Variants in NME9 observed in about 807,000 individuals in gnomAD.
NME9 encodes NME/NM23 family member 9.
In NME9, 48 loss-of-function variants were observed where a neutral mutation model predicts 44.4. The observed-to-expected ratio is 1.08, with a 90% CI of 0.86 to 1.37. NME9 has a LOEUF of 1.37. Among genes scored for constraint, NME9 ranks in the 40% most tolerant of loss-of-function variants. NME9 has a pLI of 0.00. For missense variants in NME9, 325 were observed against 405.2 expected, an observed-to-expected ratio of 0.80 and a Z score of 1.70; for synonymous variants, 139 against 147.1, an observed-to-expected ratio of 0.94 and a Z score of 0.40.
intron 8 of NME9, among the ~76,000 whole-genome samples, chr3:138,277,442 T>C (rs1366905676): frequency 6.6e-6 from 1 of 152,236 alleles, no homozygotes; most frequent in Non-Finnish European, 1.5e-5. Context: ...TGAAATGCAC[T>C]GTTAAGAGAC....
intron 8 of NME9, among the ~76,000 whole-genome samples, chr3:138,267,848 A>G (rs1435472483): frequency 1.3e-5 from 2 of 152,186 alleles, no homozygotes; most frequent in African/African-American, 2.4e-5. Flanking sequence ...TTATGAACTC[A>G]GGTTTATTGT....
chr3:138,320,084 C>A (rs1471820809), intron 2 of NME9, among the ~76,000 whole-genome samples: 1 of 152,162 alleles, frequency 6.6e-6, no homozygotes, highest in East Asian at 1.9e-4. Context: ...TTAGAAAAAT[C>A]AACATTTTTC....
At chr3:138,298,000 CAG>C (rs2051633673), downstream of NME9, 1 of 152,210 alleles carries the variant, frequency 6.6e-6, no homozygotes, top group Admixed American at 6.5e-5. Context: ...TGGGTATAAA[CAG>C]ATGGTCAAAT....
chr3:138,291,453 C>T (rs1241425865), intron 8 of NME9, among the ~76,000 whole-genome samples: 1 of 152,202 alleles, frequency 6.6e-6, no homozygotes, highest in Non-Finnish European at 1.5e-5. Context: ...TCAGATATCT[C>T]TTTTGAATAC....
intron 8 of NME9, among the ~76,000 whole-genome samples, chr3:138,286,047 G>A (rs911406930): frequency 9.9e-5 from 15 of 152,108 alleles, no homozygotes; most frequent in African/African-American, 3.6e-4. Context: ...AGGTTCAAGC[G>A]ATTCTCCTGC....
At chr3:138,300,432 A>G (rs2051779518), downstream of NME9, among the ~76,000 whole-genome samples, 1 of 152,236 alleles carries the variant, frequency 6.6e-6, no homozygotes, top group African/African-American at 2.4e-5. Context: ...GCAAGGAGGA[A>G]GACGCTGGCA....
intron 8 of NME9, among the ~76,000 whole-genome samples, chr3:138,265,848 A>T (rs1220434522): frequency 1.3e-5 from 2 of 152,164 alleles, no homozygotes; most frequent in African/African-American, 4.8e-5. Flanking sequence ...AGGTTCATCT[A>T]GTGACAGAGT....
Position 138,301,546 on chromosome 3 carries a change from G to C in NME9, c.*94C>G. 2 of 1,507,688 alleles carry C rather than the reference G, an allele frequency of 1.3e-6. No homozygotes were observed. The highest frequency in any genetic ancestry group is 4.3e-5 in the Admixed American group (2 of 46,356). 93.4% of individuals were successfully genotyped at this position (1,507,688 alleles called of 1,614,324 possible). ...CTACAAAAGACAGCTAAACCAAAAAGTATTGGTACTCAAAAGAGTAAGTTC... is the reference window on the plus strand; with the variant it reads ...CTACAAAAGACAGCTAAACCAAAAACTATTGGTACTCAAAAGAGTAAGTTC... On this transcript the variant is annotated 3_prime_UTR_variant, in exon 11 of 11. Transcript: ENST00000333911.
intron 9 of NME9, 46 bp downstream of exon 9, chr3:138,304,827 A>T (rs1181842056): frequency 3.8e-6 from 6 of 1,586,812 alleles, no homozygotes; most frequent in Non-Finnish European, 3.4e-6. Context: ...GCCTCCTGGG[A>T]TGCAGGTTTT....
intron 2 of NME9, chr3:138,324,200 A>G (rs2053635966): frequency 3.3e-6 from 1 of 307,394 alleles, no homozygotes; most frequent in South Asian, 3.1e-5. Flanking sequence ...TGAGCTTGGA[A>G]GTGGATCTTC....
chr3:138,309,310 A>AC (rs1194915840), intron 6 of NME9, among the ~76,000 whole-genome samples: 1 of 151,716 alleles, frequency 6.6e-6, no homozygotes, highest in Non-Finnish European at 1.5e-5. Flanking sequence ...AACAAAAAAA[A>AC]AAAAAGAAGG....
At position 138,304,932 on chromosome 3, in the gene NME9, G is replaced by A; in HGVS notation, c.732C>T (p.Thr244=). The A allele has an allele frequency of 6.2e-7, 1 of 1,614,190 alleles. No homozygotes were observed. ...RTEGFEDVVT[T]WRTVMGPRDP... is the part of the protein sequence containing the mutation. ...CACGGGGGCCCATGACGGTTCGCCA[G>A]GTAGTGACCACGTCCTCGAAGCCCT... is the stretch of plus-strand genomic sequence containing the variant. The change falls in exon 9 of 11, where the codon ACC becomes ACT. Residue 244 remains threonine, a synonymous_variant. Transcript: ENST00000333911.
downstream of NME9, chr3:138,300,927 C>G (rs1308613385): frequency 2.2e-5 from 7 of 322,748 alleles, no homozygotes; most frequent in Admixed American, 3.9e-4. Flanking sequence ...CATCAGTGTG[C>G]CTGGAAGTGT....
At chr3:138,309,395 C>T (rs777753678) in intron 6 of NME9, among the ~76,000 whole-genome samples, 1 of 152,090 alleles carries the variant, frequency 6.6e-6, no homozygotes, top group Non-Finnish European at 1.5e-5. Flanking sequence ...GGTATAAAAC[C>T]CACTGTTGGC....
intron 9 of NME9, among the ~76,000 whole-genome samples, chr3:138,304,069 T>G (rs991341119): frequency 1.3e-5 from 2 of 152,214 alleles, no homozygotes; most frequent in Non-Finnish European, 2.9e-5. Context: ...TGATTTCCTG[T>G]GTGTCAAGCA....
At chr3:138,329,259 CG>C (rs1577231496) in intron 1 of NME9, 43 bp downstream of exon 1, 3 of 1,510,508 alleles carry the variant, frequency 2.0e-6, no homozygotes, top group South Asian at 1.2e-5. Context: ...TCCTCTTCCC[CG>C]AGCCCAACCC....
chr3:138,289,437 G>A (rs1432404105), intron 8 of NME9, among the ~76,000 whole-genome samples: 1 of 152,190 alleles, frequency 6.6e-6, no homozygotes, highest in Non-Finnish European at 1.5e-5. Context: ...TGAGAGGAGA[G>A]AGTGGGTGGG....
At chr3:138,267,189 T>C in intron 8 of NME9, 5 of 1,581,800 alleles carry the variant, frequency 3.2e-6, no homozygotes, top group Admixed American at 1.8e-5. Context: ...ATCCTAGTGG[T>C]AGCATCTTCC....
downstream of NME9, chr3:138,296,551 GAA>G (rs201583111): frequency 6.7e-6 from 1 of 149,706 alleles, no homozygotes. Context: ...TAAAAAAAAA[GAA>G]AAAAAAAGAA....
Sources: gnomAD v4.1 joint callset for allele counts (sites outside exome capture counted in the v4.1 genomes callset) on GRCh38, gnomAD v4.1.1 for gene constraint, MANE v1.5 for transcripts, NCBI Gene and HGNC (gene_info 2026-07-23, HGNC 2026-07-21) for gene names.